NEGR1: variants seen among roughly 807,000 people sequenced by gnomAD.
NEGR1 encodes neuronal growth regulator 1, also known as IgLON family member 4.
In NEGR1, 10 loss-of-function variants were observed where a neutral mutation model predicts 40.9. The observed-to-expected ratio is 0.24, with a 90% CI of 0.15 to 0.42. NEGR1 has a LOEUF of 0.42. NEGR1 is among the 10% of genes least tolerant of loss of function. The pLI, the probability that NEGR1 is intolerant of heterozygous loss-of-function variation, is 1.00. For missense variants in NEGR1, 352 were observed against 438.9 expected (o/e 0.80, Z 1.77); for synonymous variants, 185 against 166.8 (o/e 1.11, Z -0.84).
intron 2 of NEGR1, among the ~76,000 whole-genome samples, chr1:71,902,913 T>A (rs1380699407): frequency 6.6e-6 from 1 of 152,062 alleles, no homozygotes; most frequent in Non-Finnish European, 1.5e-5. Flanking sequence ...CTTCATTTAT[T>A]AATTATGTTT....
intron 1 of NEGR1, among the ~76,000 whole-genome samples, chr1:72,170,811 G>A (rs1011479293): frequency 1.3e-5 from 2 of 152,092 alleles, no homozygotes; most frequent in African/African-American, 4.8e-5. Flanking sequence ...TAAAGTCTTA[G>A]ATGTGCAGTC....
chr1:71,567,437 C>A (rs1372225736), intron 6 of NEGR1, among the ~76,000 whole-genome samples: 3 of 151,992 alleles, frequency 2.0e-5, no homozygotes, highest in Non-Finnish European at 4.4e-5. Context: ...TTCCTATTAC[C>A]TATACTTTAA....
intron 4 of NEGR1, among the ~76,000 whole-genome samples, chr1:71,612,130 G>A (rs1312627312): frequency 1.3e-5 from 2 of 152,222 alleles, no homozygotes; most frequent in African/African-American, 2.4e-5. Flanking sequence ...GCTGAGGCAG[G>A]AGAATGGCGT....
intron 3 of NEGR1, among the ~76,000 whole-genome samples, chr1:71,698,786 A>G (rs529830583): frequency 6.6e-6 from 1 of 151,902 alleles, no homozygotes; most frequent in Non-Finnish European, 1.5e-5. Context: ...TTATTTTTAA[A>G]TATGCATGGG....
chr1:72,086,154 T>A (rs370109987), intron 1 of NEGR1, among the ~76,000 whole-genome samples: 2 of 152,060 alleles, frequency 1.3e-5, no homozygotes, highest in African/African-American at 4.8e-5. Flanking sequence ...TTTATAGCAA[T>A]TTCGATATTA....
rs17091904 is a variant in NEGR1, at chr1:71,926,235, T to G, written c.409+8844A>C. Reference sequence around the variant, plus strand: ...TGTGTGTTATCAAAAACAGAAATACTGCCTTAGTCTCCAAATGAATAATAT... The same window carrying G: ...TGTGTGTTATCAAAAACAGAAATACGGCCTTAGTCTCCAAATGAATAATAT... On this transcript the variant is annotated intron_variant, in intron 2 of 6. Coordinates refer to ENST00000357731, the MANE Select transcript of NEGR1 (RefSeq NM_173808.3). Among the ~76,000 whole-genome samples, 750 of 152,256 alleles carry G rather than the reference T, an allele frequency of 4.9e-3. 5 individuals carry two copies. The highest frequency in any genetic ancestry group is 0.017 in the African/African-American group (686 of 41,552).
chr1:71,452,490 G>A (rs1020906208), intron 6 of NEGR1, among the ~76,000 whole-genome samples: 1 of 152,186 alleles, frequency 6.6e-6, no homozygotes, highest in Non-Finnish European at 1.5e-5. Flanking sequence ...CATGCTTAGA[G>A]TGAGAAAAGA....
intron 1 of NEGR1, among the ~76,000 whole-genome samples, chr1:71,957,413 A>C (rs1243405819): frequency 6.6e-6 from 1 of 152,166 alleles, no homozygotes; most frequent in East Asian, 1.9e-4. Flanking sequence ...GCAGAGAGCT[A>C]GTCATTCTAT....
At chr1:72,001,930 C>G (rs1326118757) in intron 1 of NEGR1, among the ~76,000 whole-genome samples, 1 of 151,898 alleles carries the variant, frequency 6.6e-6, no homozygotes, top group Non-Finnish European at 1.5e-5. Context: ...TCCTGTCTCC[C>G]TGCAAAAAAT....
chr1:71,452,935 C>A (rs1423143123), intron 6 of NEGR1, among the ~76,000 whole-genome samples: 1 of 151,960 alleles, frequency 6.6e-6, no homozygotes, highest in Non-Finnish European at 1.5e-5. Context: ...AGAAATAGTC[C>A]TTTGACTTCC....
intron 6 of NEGR1, among the ~76,000 whole-genome samples, chr1:71,451,053 C>T (rs1415193652): frequency 1.3e-5 from 2 of 152,142 alleles, no homozygotes; most frequent in Non-Finnish European, 2.9e-5. Flanking sequence ...AACCTCCTCT[C>T]CTCCAGACTA....
At chr1:72,042,434 C>T (rs1325915983) in intron 1 of NEGR1, among the ~76,000 whole-genome samples, 1 of 151,898 alleles carries the variant, frequency 6.6e-6, no homozygotes, top group African/African-American at 2.4e-5. Flanking sequence ...CAAGGAAACA[C>T]AACTGATTAC....
At chr1:71,787,709 G>T (rs537895893) in intron 2 of NEGR1, among the ~76,000 whole-genome samples, 37 of 152,176 alleles carry the variant, frequency 2.4e-4, no homozygotes, top group Non-Finnish European at 4.9e-4. Flanking sequence ...AGTCTACATG[G>T]TTTATGAAAG....
intron 1 of NEGR1, among the ~76,000 whole-genome samples, chr1:72,130,244 C>T (rs902877237): frequency 6.6e-6 from 1 of 152,118 alleles, no homozygotes; most frequent in Non-Finnish European, 1.5e-5. Flanking sequence ...AGGCTTGAAC[C>T]CAACCCAGGG....
intron 2 of NEGR1, among the ~76,000 whole-genome samples, chr1:71,912,067 A>C (rs1201603693): frequency 6.6e-6 from 1 of 152,178 alleles, no homozygotes; most frequent in Non-Finnish European, 1.5e-5. Context: ...TGGCTGTTGT[A>C]ACAAATTATC....
At chr1:71,688,258 C>T (rs1260570146) in intron 4 of NEGR1, among the ~76,000 whole-genome samples, 1 of 141,008 alleles carries the variant, frequency 7.1e-6, no homozygotes, top group Non-Finnish European at 1.5e-5. Flanking sequence ...TTCGTAGTCA[C>T]TGTGTTACAT....
rs1291365607 is a variant in NEGR1 at position 71,782,834 on chromosome 1, C to CT, written c.410-6538dup. ...CTGAGTTTAGGGATTAAATATTCCT[C>CT]TAACTCATTTAGAAGCATAATATTT... On this transcript the variant is annotated intron_variant, in intron 2 of 6. Coordinates refer to ENST00000357731, the MANE Select transcript of NEGR1 (RefSeq NM_173808.3). Among the ~76,000 whole-genome samples, 10 of 152,292 alleles carry CT rather than the reference C, an allele frequency of 6.6e-5. No individual in the cohort carries two copies. The East Asian group carries it at 1.9e-3, about 29-fold the overall frequency.
At chr1:71,569,919 GT>G (rs1174230961) in intron 6 of NEGR1, among the ~76,000 whole-genome samples, 1 of 152,120 alleles carries the variant, frequency 6.6e-6, no homozygotes, top group Non-Finnish European at 1.5e-5. Flanking sequence ...GAAGCACTGG[GT>G]TTCTTTTTCA....
intron 1 of NEGR1, among the ~76,000 whole-genome samples, chr1:72,087,432 A>G (rs1393547025): frequency 6.7e-6 from 1 of 148,608 alleles, no homozygotes; most frequent in Non-Finnish European, 1.5e-5. Context: ...TGCTGTCTCA[A>G]AAAAAAAATA....
Sources: gnomAD v4.1 joint callset for allele counts (sites outside exome capture counted in the v4.1 genomes callset) on GRCh38, gnomAD v4.1.1 for gene constraint, MANE v1.5 for transcripts, NCBI Gene and HGNC (gene_info 2026-07-23, HGNC 2026-07-21) for gene names.